Variants in NCK2 observed in about 807,000 individuals in gnomAD.
NCK2 encodes NCK adaptor protein 2.
A neutral mutation model predicts 33.9 loss-of-function variants in NCK2; 16 were observed. The observed-to-expected ratio is 0.47, with a 90% CI of 0.32 to 0.72. The LOEUF is 0.72. NCK2 is among the 30% of genes least tolerant of loss of function. The probability of loss-of-function intolerance (pLI) is 0.03; values close to 1 mark genes in which losing one functional copy is unlikely to be tolerated. For missense variants in NCK2, 418 were observed against 537.3 expected, an observed-to-expected ratio of 0.78 and a Z score of 2.19; for synonymous variants, 273 against 239.9, an observed-to-expected ratio of 1.14 and a Z score of -1.27.
chr2:105,744,777 C>T (rs1461827943), upstream of NCK2: 2 of 149,808 alleles, frequency 1.3e-5, no homozygotes, highest in African/African-American at 2.4e-5. Flanking sequence ...TGGGCCGGCC[C>T]CTGGGCGGCG....
intron 1 of NCK2, among the ~76,000 whole-genome samples, chr2:105,757,322 G>A (rs1047564066): frequency 6.6e-6 from 1 of 152,152 alleles, no homozygotes; most frequent in Non-Finnish European, 1.5e-5. Flanking sequence ...CTTTCGCTGT[G>A]TTAAAATTGA....
chr2:105,881,284 T>A, intron 3 of NCK2, 44 bp from the exon 4 acceptor site: 1 of 1,538,338 alleles, frequency 6.5e-7, no homozygotes, highest in South Asian at 1.2e-5. Flanking sequence ...AGTGTGGTGG[T>A]GCCCAAGTGC....
chr2:105,867,028 A>G (rs906327836), intron 3 of NCK2, among the ~76,000 whole-genome samples: 6 of 152,232 alleles, frequency 3.9e-5, no homozygotes, highest in Admixed American at 6.5e-5. Context: ...TACCATTCAG[A>G]CATGCTTTCT....
chr2:105,782,673 G>A (rs747746274), intron 1 of NCK2, among the ~76,000 whole-genome samples: 10 of 120,604 alleles, frequency 8.3e-5, no homozygotes, highest in East Asian at 6.8e-4. Flanking sequence ...GAACCTGATC[G>A]TTTCTGAGAG....
chr2:105,891,353 A>C (rs775686602), intron 4 of NCK2, among the ~76,000 whole-genome samples: 7 of 151,914 alleles, frequency 4.6e-5, no homozygotes, highest in Non-Finnish European at 1.0e-4. Context: ...AGATTGTCAC[A>C]GAGCATATGT....
chr2:105,846,499 G>C (rs1676859614), intron 2 of NCK2: 1 of 151,678 alleles, frequency 6.6e-6, no homozygotes, highest in Non-Finnish European at 1.5e-5. Context: ...ATAATAGGAG[G>C]GTGTAGCAGA....
chr2:105,780,347 C>T (rs1690450160), intron 1 of NCK2, among the ~76,000 whole-genome samples: 2 of 151,328 alleles, frequency 1.3e-5, no homozygotes, highest in African/African-American at 2.4e-5. Flanking sequence ...CACACACACA[C>T]ACACACACAC....
At chr2:105,773,455 A>G (rs951352907) in intron 1 of NCK2, among the ~76,000 whole-genome samples, 1 of 151,934 alleles carries the variant, frequency 6.6e-6, no homozygotes, top group African/African-American at 2.4e-5. Context: ...TGCTCAGCTC[A>G]GGGCCATCAC....
At chr2:105,804,584 G>A (rs1486028581) in intron 1 of NCK2, among the ~76,000 whole-genome samples, 4 of 152,164 alleles carry the variant, frequency 2.6e-5, no homozygotes, top group Non-Finnish European at 5.9e-5. Flanking sequence ...TTTATGGATG[G>A]CATTAATTGG....
At chr2:105,769,413 C>T (rs570720274) in intron 1 of NCK2, among the ~76,000 whole-genome samples, 6 of 152,128 alleles carry the variant, frequency 3.9e-5, no homozygotes, top group Non-Finnish European at 8.8e-5. Flanking sequence ...CTGGTAACTC[C>T]CCCGTTCTTG....
intron 4 of NCK2, among the ~76,000 whole-genome samples, chr2:105,885,541 T>C (rs1678688829): frequency 1.3e-5 from 2 of 152,186 alleles, no homozygotes; most frequent in African/African-American, 4.8e-5. Flanking sequence ...TCTAACTGTA[T>C]GTAGTGTGTA....
intron 2 of NCK2, among the ~76,000 whole-genome samples, chr2:105,829,411 T>C (rs1461931471): frequency 6.6e-6 from 1 of 152,202 alleles, no homozygotes; most frequent in African/African-American, 2.4e-5. Flanking sequence ...AATTGGTCCA[T>C]TATTAAGTAA....
chr2:105,842,653 A>G (rs1036905549), intron 2 of NCK2, among the ~76,000 whole-genome samples: 2 of 152,118 alleles, frequency 1.3e-5, no homozygotes, highest in Non-Finnish European at 1.5e-5. Context: ...GACTTGTGTC[A>G]TTATGTTTTG....
At chr2:105,856,868 A>T (rs1677291820) in intron 3 of NCK2, 1 of 152,200 alleles carries the variant, frequency 6.6e-6, no homozygotes, top group African/African-American at 2.4e-5. Flanking sequence ...TTATGCTTAT[A>T]ACTCTTAATT....
intron 1 of NCK2, among the ~76,000 whole-genome samples, chr2:105,808,959 G>A (rs1675190062): frequency 6.6e-6 from 1 of 152,202 alleles, no homozygotes. Flanking sequence ...ATGTACAATT[G>A]TTGAGATTGG....
chr2:105,882,867 T>G (rs1678565300), intron 4 of NCK2, among the ~76,000 whole-genome samples: 1 of 152,190 alleles, frequency 6.6e-6, no homozygotes, highest in African/African-American at 2.4e-5. Flanking sequence ...TGTATTTGAA[T>G]TGTATTGGTT....
At chr2:105,782,517 C>G (rs984753404) in intron 1 of NCK2, among the ~76,000 whole-genome samples, 5 of 152,186 alleles carry the variant, frequency 3.3e-5, no homozygotes, top group African/African-American at 1.2e-4. Flanking sequence ...TTGAGGAATG[C>G]TGGCTATGTG....
intron 2 of NCK2, among the ~76,000 whole-genome samples, chr2:105,850,623 A>G (rs137914261): frequency 2.5e-4 from 38 of 152,340 alleles, no homozygotes; most frequent in African/African-American, 7.9e-4. Flanking sequence ...GTAGTAATGA[A>G]GCCAAAAATT....
intron 4 of NCK2, among the ~76,000 whole-genome samples, chr2:105,886,166 C>A (rs766185087): frequency 6.6e-6 from 1 of 152,176 alleles, no homozygotes; most frequent in Non-Finnish European, 1.5e-5. Flanking sequence ...TTTTAATTGC[C>A]AGGCTTTTTG....
Sources: gnomAD v4.1 joint callset for allele counts (sites outside exome capture counted in the v4.1 genomes callset) on GRCh38, gnomAD v4.1.1 for gene constraint, MANE v1.5 for transcripts, NCBI Gene and HGNC (gene_info 2026-07-23, HGNC 2026-07-21) for gene names.